GTPBP10: variants seen among roughly 807,000 people sequenced by gnomAD.
GTPBP10 encodes the protein GTP binding protein 10, also known as GTP-binding protein 10.
GTPBP10 carries 38 observed loss-of-function variants against 44.8 expected under a neutral mutation model. That is an observed-to-expected ratio of 0.85 (90% CI 0.65 to 1.11). GTPBP10 has a LOEUF of 1.11. Among genes scored for constraint, GTPBP10 ranks in the 50% most tolerant of loss-of-function variants. The pLI, the probability that GTPBP10 is intolerant of heterozygous loss-of-function variation, is 0.00. For missense variants in GTPBP10, 462 were observed against 453.7 expected, an observed-to-expected ratio of 1.02 and a Z score of -0.17; for synonymous variants, 152 against 150.6, an observed-to-expected ratio of 1.01 and a Z score of -0.07.
intron 6 of GTPBP10, 152 bp from the exon 7 acceptor site, chr7:90,377,355 T>G: frequency 4.0e-6 from 2 of 496,228 alleles, no homozygotes; most frequent in South Asian, 8.5e-5. Flanking sequence ...TGTACATTAA[T>G]TTTACTCTTA....
chr7:90,355,687 A>G (rs958767075), intron 4 of GTPBP10, among the ~76,000 whole-genome samples: 1 of 147,186 alleles, frequency 6.8e-6, no homozygotes, highest in Admixed American at 6.9e-5. Flanking sequence ...AGTACAGACA[A>G]TCTCAATCCT....
rs2115798735 is a variant in GTPBP10 at position 90,386,595 on chromosome 7, T to G, written c.*1441T>G. On this transcript the variant is annotated 3_prime_UTR_variant, in exon 10 of 10. Transcript: ENST00000222511. ...CAGACATAGCGGTACATGCCTGTAATCCTAGCACTTTGGGATGCCAAGGCG... is the reference window on the plus strand; with the variant it reads ...CAGACATAGCGGTACATGCCTGTAAGCCTAGCACTTTGGGATGCCAAGGCG... The G allele has an allele frequency of 6.6e-6, 1 of 152,254 alleles. No homozygotes were observed. The highest frequency in any genetic ancestry group is 2.4e-5 in the African/African-American group (1 of 41,538). The allele number at this position is 152,254 out of a possible 1,614,324, so 9.4% of individuals were successfully genotyped here. A position where few individuals can be genotyped will look rare whatever the true frequency, so the allele number is the denominator to read the frequency against.
chr7:90,354,151 A>G (rs972469740), intron 2 of GTPBP10, among the ~76,000 whole-genome samples: 7 of 151,990 alleles, frequency 4.6e-5, no homozygotes, highest in Admixed American at 2.0e-4. Flanking sequence ...CCCTATTTGT[A>G]TTGTAGCAAT....
At chr7:90,359,088 A>G (rs1250471139) in intron 4 of GTPBP10, among the ~76,000 whole-genome samples, 1 of 152,176 alleles carries the variant, frequency 6.6e-6, no homozygotes, top group Non-Finnish European at 1.5e-5. Context: ...TCAAAAAACA[A>G]TACGTGCTGA....
At chr7:90,373,784 A>C (rs1433049507) in intron 5 of GTPBP10, among the ~76,000 whole-genome samples, 1 of 152,170 alleles carries the variant, frequency 6.6e-6, no homozygotes, top group African/African-American at 2.4e-5. Context: ...GAGGTTCAGT[A>C]ATTACATTAG....
chr7:90,374,233 A>G (rs1194048549), intron 5 of GTPBP10, 69 bp from the exon 6 acceptor site: 2 of 1,022,562 alleles, frequency 2.0e-6, no homozygotes, highest in Non-Finnish European at 3.1e-6. Flanking sequence ...GCATAATACC[A>G]AGACAGTTTT....
intron 2 of GTPBP10, among the ~76,000 whole-genome samples, chr7:90,353,550 A>G (rs1222786856): frequency 6.6e-6 from 1 of 152,008 alleles, no homozygotes; most frequent in African/African-American, 2.4e-5. Context: ...ATAAATAACT[A>G]TTTTGTCATT....
intron 4 of GTPBP10, among the ~76,000 whole-genome samples, chr7:90,359,935 T>C (rs149345788): frequency 0.014 from 2,147 of 152,352 alleles, 59 homozygotes; most frequent in African/African-American, 0.049. Context: ...CATAAATGTC[T>C]TCTTTTGAGA....
intron 4 of GTPBP10, among the ~76,000 whole-genome samples, chr7:90,368,760 T>A (rs193297718): frequency 6.6e-6 from 1 of 152,356 alleles, no homozygotes; most frequent in Admixed American, 6.5e-5. Flanking sequence ...TCAGTGAAGT[T>A]TTTTATTACC....
intron 8 of GTPBP10, 124 bp from the exon 9 acceptor site, chr7:90,382,832 T>C (rs981789106): frequency 1.1e-5 from 6 of 543,296 alleles, no homozygotes; most frequent in Admixed American, 3.3e-5. Flanking sequence ...TTTTCTGTTG[T>C]TGGGATTTAT....
chr7:90,369,271 G>T (rs1229050985), intron 4 of GTPBP10, among the ~76,000 whole-genome samples: 4 of 152,184 alleles, frequency 2.6e-5, no homozygotes, highest in African/African-American at 9.7e-5. Context: ...ACTTGAGGAG[G>T]CAGTCTGTCC....
At chr7:90,358,892 A>G (rs867679216) in intron 4 of GTPBP10, among the ~76,000 whole-genome samples, 3 of 152,192 alleles carry the variant, frequency 2.0e-5, no homozygotes, top group Non-Finnish European at 4.4e-5. Context: ...AGGAACTCAG[A>G]TCAGCAAGGA....
intron 9 of GTPBP10, among the ~76,000 whole-genome samples, chr7:90,383,385 A>C (rs1796465550): frequency 1.3e-5 from 2 of 152,222 alleles, no homozygotes; most frequent in South Asian, 2.1e-4. Context: ...AGGAGGAAAA[A>C]GTCAGCATCT....
intron 5 of GTPBP10, among the ~76,000 whole-genome samples, chr7:90,373,237 G>A (rs1049623692): frequency 3.3e-5 from 5 of 152,180 alleles, no homozygotes; most frequent in South Asian, 4.1e-4. Flanking sequence ...TATCTTAAGA[G>A]CAATTGGAAG....
At chr7:90,364,663 A>T (rs2115683415) in intron 4 of GTPBP10, among the ~76,000 whole-genome samples, 1 of 152,316 alleles carries the variant, frequency 6.6e-6, no homozygotes, top group Non-Finnish European at 1.5e-5. Flanking sequence ...CAAAGCTATC[A>T]GACAGGGACA....
intron 8 of GTPBP10, among the ~76,000 whole-genome samples, chr7:90,380,570 T>C (rs565236481): frequency 6.6e-6 from 1 of 152,348 alleles, no homozygotes; most frequent in Non-Finnish European, 1.5e-5. Context: ...GTACAAGTGA[T>C]ATTTGGATAT....
chr7:90,353,578 G>A (rs1225025953), intron 2 of GTPBP10, among the ~76,000 whole-genome samples: 1 of 151,950 alleles, frequency 6.6e-6, no homozygotes, highest in African/African-American at 2.4e-5. Flanking sequence ...TTAGGTTATT[G>A]TTGATTTTTT....
intron 6 of GTPBP10, among the ~76,000 whole-genome samples, chr7:90,376,102 G>T (rs12538062): frequency 0.098 from 14,849 of 151,796 alleles, 1,005 homozygotes; most frequent in Non-Finnish European, 0.15. Flanking sequence ...GGGTGTGGTG[G>T]TGGGTGCCTG....
chr7:90,390,631 A>G lies in GTPBP10; in HGVS notation c.*5477A>G, dbSNP rs1425153912. ...CTTATGTTATAATTAATTTGCGAGC[A>G]ATATATGGCATGATAGTATTTTCTT... On this transcript the variant is annotated 3_prime_UTR_variant, in exon 10 of 10. Coordinates refer to ENST00000222511, the MANE Select transcript of GTPBP10 (RefSeq NM_033107.4). 2.6e-5 allele frequency: 4 copies of G among 152,208 alleles called. No homozygotes were observed. The highest frequency in any genetic ancestry group is 5.9e-5 in the Non-Finnish European group (4 of 68,032). The allele number at this position is 152,208 out of a possible 1,614,324, so 9.4% of individuals were successfully genotyped here.
Sources: allele counts gnomAD v4.1 joint callset (sites outside exome capture counted in the v4.1 genomes callset), GRCh38; gene constraint gnomAD v4.1.1; transcripts MANE v1.5; gene names NCBI Gene and HGNC (gene_info 2026-07-23, HGNC 2026-07-21).